The following OGDH variants were observed in gnomAD, a reference collection of about 807,000 sequenced individuals.
OGDH encodes the protein 2-oxoglutarate dehydrogenase complex component E1.
A neutral mutation model predicts 116.6 loss-of-function variants in OGDH; 38 were observed. The ratio of observed to expected loss-of-function variants is 0.33; its 90% CI spans 0.25 to 0.43. The LOEUF (loss-of-function observed/expected upper bound fraction) is 0.43, where lower values mean the gene tolerates loss of function less well. Among genes scored for constraint, OGDH ranks in the 20% least tolerant of loss-of-function variants. The probability of loss-of-function intolerance (pLI) is 1.00; values close to 1 mark genes in which losing one functional copy is unlikely to be tolerated. For missense variants in OGDH, 825 were observed against 1,357.2 expected, an observed-to-expected ratio of 0.61 and a Z score of 6.16; for synonymous variants, 488 against 533.3, an observed-to-expected ratio of 0.92 and a Z score of 1.17.
At position 44,708,195 on chromosome 7, in the gene OGDH, C is replaced by T. The variant is rs927192976; in HGVS notation, c.*196C>T. On this transcript the variant is annotated 3_prime_UTR_variant, in exon 23 of 23. Coordinates refer to ENST00000222673, the MANE Select transcript of OGDH (RefSeq NM_002541.4). The stretch of plus-strand genomic sequence containing the variant: ...TGGCTGCCCCACAGGCCACACGCTG[C>T]CCAGGCTCTGCTGACTTCTGAGCAG... The T allele has an allele frequency of 1.0e-5, 7 of 698,000 alleles. No homozygotes were observed. Among genetic ancestry groups the T allele is most frequent in the Non-Finnish European group, 1.6e-5 (7 of 439,210 alleles). The allele number at this position is 698,000 out of a possible 1,614,324, so 43.2% of individuals were successfully genotyped here.
At chr7:44,608,925 C>T (rs1307157494) in intron 1 of OGDH, among the ~76,000 whole-genome samples, 2 of 152,044 alleles carry the variant, frequency 1.3e-5, no homozygotes, top group Non-Finnish European at 2.9e-5. Context: ...TAACATTGTG[C>T]AAAACTATAG....
intron 5 of OGDH, among the ~76,000 whole-genome samples, chr7:44,670,879 C>T (rs1215515238): frequency 3.3e-5 from 5 of 151,580 alleles, no homozygotes; most frequent in East Asian, 1.9e-4. Flanking sequence ...GGCGTGGTGG[C>T]GGGCACCTGT....
chr7:44,677,292 C>T (rs1787742746), intron 9 of OGDH, among the ~76,000 whole-genome samples: 1 of 152,144 alleles, frequency 6.6e-6, no homozygotes, highest in Non-Finnish European at 1.5e-5. Flanking sequence ...ATAGCACATA[C>T]ACGGCATGAT....
chr7:44,652,431 TGTTAAA>T (rs1188162430), intron 4 of OGDH, among the ~76,000 whole-genome samples: 4 of 152,164 alleles, frequency 2.6e-5, no homozygotes, highest in African/African-American at 7.2e-5. Flanking sequence ...TTTAATGAAG[TGTTAAA>T]GTTAGGGGCC....
At position 44,666,722 on chromosome 7, in the gene OGDH, A is replaced by G. The variant is rs900611329; in HGVS notation, c.518-14A>G. The G allele has an allele frequency of 6.4e-7, 1 of 1,562,094 alleles. No homozygotes were observed. Among genetic ancestry groups the G allele is most frequent in the Non-Finnish European group, 8.8e-7 (1 of 1,140,770 alleles). ...CCTCCTCATCTGGCTTGTCCTGCCC[A>G]CATCGCCCTGCAGGGTTCTATGGCC... On this transcript the variant is annotated splice_polypyrimidine_tract_variant and intron_variant, in intron 4 of 22. Transcript: ENST00000222673.
intron 1 of OGDH, among the ~76,000 whole-genome samples, chr7:44,614,725 G>A (rs1784701939): frequency 6.6e-6 from 1 of 152,038 alleles, no homozygotes; most frequent in South Asian, 2.1e-4. Flanking sequence ...AGCATTTTGA[G>A]GATGCCTCTT....
intron 2 of OGDH, among the ~76,000 whole-genome samples, chr7:44,629,768 CG>C (rs1400854162): frequency 1.3e-5 from 2 of 151,962 alleles, no homozygotes; most frequent in Non-Finnish European, 2.9e-5. Flanking sequence ...TTAATAAAGA[CG>C]GGGTTTCACC....
intron 2 of OGDH, among the ~76,000 whole-genome samples, chr7:44,629,881 G>A (rs1467347652): frequency 6.6e-6 from 1 of 152,148 alleles, no homozygotes; most frequent in African/African-American, 2.4e-5. Context: ...TGCCCGGCCT[G>A]ATGCCTGTTT....
chr7:44,685,616 C>G (rs762477013), intron 10 of OGDH, among the ~76,000 whole-genome samples: 18 of 151,868 alleles, frequency 1.2e-4, no homozygotes, highest in Non-Finnish European at 2.6e-4. Flanking sequence ...TGACACCCTG[C>G]TTTCTTTTTT....
chr7:44,679,392 C>G (rs1283735889), intron 9 of OGDH, among the ~76,000 whole-genome samples: 1 of 152,236 alleles, frequency 6.6e-6, no homozygotes, highest in Non-Finnish European at 1.5e-5. Flanking sequence ...CGTCCACATG[C>G]TGCTATCCTA....
intron 10 of OGDH, among the ~76,000 whole-genome samples, chr7:44,688,775 T>C (rs527279622): frequency 6.6e-6 from 1 of 151,850 alleles, no homozygotes; most frequent in Admixed American, 6.6e-5. Context: ...TGCCACCTAC[T>C]CTCCTCTCTG....
chr7:44,642,505 T>C (rs1354438869), intron 2 of OGDH, among the ~76,000 whole-genome samples: 1 of 152,198 alleles, frequency 6.6e-6, no homozygotes, highest in African/African-American at 2.4e-5. Context: ...TATAAGATGC[T>C]TCTGTAATAG....
chr7:44,643,768 G>A (rs1562634704), intron 2 of OGDH, among the ~76,000 whole-genome samples: 1 of 152,216 alleles, frequency 6.6e-6, no homozygotes, highest in Non-Finnish European at 1.5e-5. Flanking sequence ...CATCTTGTTA[G>A]AAGGAGAATG....
At chr7:44,668,539 C>T (rs577305556) in intron 5 of OGDH, among the ~76,000 whole-genome samples, 3 of 152,316 alleles carry the variant, frequency 2.0e-5, no homozygotes, top group Admixed American at 6.5e-5. Flanking sequence ...GCTGCTTCAC[C>T]GCCTGCCTTC....
intron 4 of OGDH, among the ~76,000 whole-genome samples, chr7:44,664,893 G>A (rs1384693856): frequency 6.6e-6 from 1 of 152,160 alleles, no homozygotes; most frequent in Non-Finnish European, 1.5e-5. Flanking sequence ...CCATCACATG[G>A]TGAGGTCAAG....
chr7:44,698,306 T>C (rs375816281), intron 18 of OGDH, 43 bp downstream of exon 18: 1 of 1,599,974 alleles, frequency 6.3e-7, no homozygotes, highest in Non-Finnish European at 8.6e-7. Context: ...TCTCGGGGTG[T>C]CTGGTGGGAA....
At chr7:44,653,724 C>T (rs778533225) in intron 4 of OGDH, among the ~76,000 whole-genome samples, 2 of 152,140 alleles carry the variant, frequency 1.3e-5, no homozygotes, top group African/African-American at 2.4e-5. Context: ...CAGGGTTTTA[C>T]CATGTTGGCC....
chr7:44,632,466 C>A (rs1183790782), intron 2 of OGDH, among the ~76,000 whole-genome samples: 1 of 152,068 alleles, frequency 6.6e-6, no homozygotes, highest in African/African-American at 2.4e-5. Flanking sequence ...CCATGCCTGA[C>A]TAATATTTTA....
intron 1 of OGDH, among the ~76,000 whole-genome samples, chr7:44,610,023 C>G (rs1784501729): frequency 6.6e-6 from 1 of 151,986 alleles, no homozygotes; most frequent in African/African-American, 2.4e-5. Context: ...GCTATGTTGC[C>G]CAGGCTGGTC....
Sources: gnomAD v4.1 joint callset for allele counts (sites outside exome capture counted in the v4.1 genomes callset) on GRCh38, gnomAD v4.1.1 for gene constraint, MANE v1.5 for transcripts, NCBI Gene and HGNC (gene_info 2026-07-23, HGNC 2026-07-21) for gene names.